The following CEP63 variants were observed in gnomAD, a reference collection of about 807,000 sequenced individuals.
CEP63 encodes the protein centrosomal protein of 63 kDa.
In CEP63, 84 loss-of-function variants were observed where a neutral mutation model predicts 89.1. The observed-to-expected ratio is 0.94, with a 90% CI of 0.79 to 1.13. The LOEUF is 1.13. CEP63 is among the 50% of genes most tolerant of loss of function. CEP63 has a pLI of 0.00. For missense variants in CEP63, 838 were observed against 813.3 expected (o/e 1.03, Z -0.37); for synonymous variants, 267 against 272.5 (o/e 0.98, Z 0.20).
chr3:134,643,362 C>T, the CEP63 span: 120 of 1,613,886 alleles, frequency 7.4e-5, 1 homozygote, highest in African/African-American at 1.3e-3. Flanking sequence ...GAGGGTGCTG[C>T]TTCTCCACCA....
chr3:134,639,949 CAAAAAAAAAA>C, the CEP63 span: 14 of 49,742 alleles, frequency 2.8e-4, no homozygotes, highest in East Asian at 1.4e-3. Context: ...CACCCTGTCT[CAAAAAAAAAA>C]AAAAAAAAAA....
the CEP63 span, among the ~76,000 whole-genome samples, chr3:134,630,065 C>G: frequency 6.6e-6 from 1 of 152,206 alleles, no homozygotes; most frequent in Admixed American, 6.5e-5. Flanking sequence ...CTTCTTTCCC[C>G]TCTGGTATCA....
At chr3:134,614,034 TC>T in the CEP63 span, among the ~76,000 whole-genome samples, 1 of 152,032 alleles carries the variant, frequency 6.6e-6, no homozygotes, top group Non-Finnish European at 1.5e-5. Context: ...AAAATAAGGC[TC>T]AGTGGCTGCC....
chr3:134,654,969 A>T, the CEP63 span, among the ~76,000 whole-genome samples: 1 of 152,182 alleles, frequency 6.6e-6, no homozygotes, highest in Non-Finnish European at 1.5e-5. Flanking sequence ...TGGAAATCAT[A>T]TCAATCCCCT....
chr3:134,546,571 G>A lies in CEP63; in HGVS notation c.929+283G>A, dbSNP rs901710813. ...GGGCATTCATCATGTTGGCTAGGCC[G>A]GTCTTAAATTCCTAACCTCAGGTGA... is the stretch of plus-strand genomic sequence containing the variant. On this transcript the variant is annotated intron_variant, in intron 8 of 14. Transcript: ENST00000675561. Among the ~76,000 whole-genome samples, 6 of 152,074 alleles carry A rather than the reference G, an allele frequency of 3.9e-5. No individual in the cohort carries two copies. In the East Asian group the frequency reaches 1.2e-3, roughly 29 times the overall value.
the CEP63 span, among the ~76,000 whole-genome samples, chr3:134,706,451 C>T: frequency 2.0e-5 from 3 of 152,266 alleles, no homozygotes; most frequent in East Asian, 5.8e-4. Context: ...TGAGAAAGAA[C>T]ATCTTGGCAG....
the CEP63 span, among the ~76,000 whole-genome samples, chr3:134,726,949 T>A: frequency 1.3e-5 from 2 of 152,036 alleles, no homozygotes; most frequent in African/African-American, 4.8e-5. Context: ...AAGCTACTTT[T>A]AAAAAATATC....
the CEP63 span, among the ~76,000 whole-genome samples, chr3:134,704,218 C>A: frequency 6.6e-6 from 1 of 152,216 alleles, no homozygotes; most frequent in African/African-American, 2.4e-5. Flanking sequence ...TCAAATGTTA[C>A]GTTCTTTGAA....
chr3:134,545,889 A>G, intron 7 of CEP63, 70 bp downstream of exon 7: 3 of 1,173,716 alleles, frequency 2.6e-6, no homozygotes, highest in East Asian at 2.5e-5. Context: ...TTATTAAGCT[A>G]GAACTAGGTT....
the CEP63 span, among the ~76,000 whole-genome samples, chr3:134,667,975 A>G: frequency 3.3e-5 from 5 of 152,216 alleles, no homozygotes; most frequent in African/African-American, 1.2e-4. Flanking sequence ...GGGAAACAAC[A>G]GGGTCAATGG....
At chr3:134,591,875 A>G (rs1254342313), downstream of CEP63, among the ~76,000 whole-genome samples, 1 of 137,396 alleles carries the variant, frequency 7.3e-6, no homozygotes. Flanking sequence ...AGCCAGAGCC[A>G]GACCCTGTCC....
the CEP63 span, chr3:134,606,923 G>C: frequency 1.0e-6 from 1 of 984,580 alleles, no homozygotes; most frequent in Non-Finnish European, 1.2e-6. Flanking sequence ...GCTCATCTCA[G>C]TTTCCCTATT....
At chr3:134,625,032 C>A in the CEP63 span, 1 of 1,575,174 alleles carries the variant, frequency 6.3e-7, no homozygotes, top group Non-Finnish European at 8.6e-7. Context: ...GGCCCATGGT[C>A]AGAGCGGCCA....
At chr3:134,506,988 A>G (rs1038583024) in intron 2 of CEP63, 121 bp from the exon 3 acceptor site, 4 of 656,832 alleles carry the variant, frequency 6.1e-6, no homozygotes, top group African/African-American at 3.7e-5. Context: ...ATTAATTTAC[A>G]TTAATGTCAT....
At chr3:134,724,204 G>T in the CEP63 span, among the ~76,000 whole-genome samples, 1 of 152,164 alleles carries the variant, frequency 6.6e-6, no homozygotes, top group Non-Finnish European at 1.5e-5. Context: ...ATTTCTTACT[G>T]AATTTGTAAA....
At chr3:134,778,017 T>A in the CEP63 span, among the ~76,000 whole-genome samples, 1 of 151,990 alleles carries the variant, frequency 6.6e-6, no homozygotes, top group Non-Finnish European at 1.5e-5. Flanking sequence ...CAGTCTTCTC[T>A]CATTTGTTCT....
At chr3:134,507,391 G>A (rs1460049938) in intron 3 of CEP63, 105 bp downstream of exon 3, 2 of 829,846 alleles carry the variant, frequency 2.4e-6, no homozygotes, top group Non-Finnish European at 3.8e-6. Flanking sequence ...TACCAAGTTA[G>A]TTTATTGTTT....
At chr3:134,761,318 G>A in the CEP63 span, among the ~76,000 whole-genome samples, 1 of 152,174 alleles carries the variant, frequency 6.6e-6, no homozygotes. Context: ...GTAAAATGAA[G>A]GCGCCTGAGA....
upstream of CEP63, chr3:134,485,998 C>T (rs1002660373): frequency 2.4e-5 from 24 of 981,730 alleles, no homozygotes; most frequent in Non-Finnish European, 2.7e-5. Context: ...CACGCCCCCC[C>T]CCCCTCCCCC....
Sources: gnomAD v4.1 joint callset for allele counts (sites outside exome capture counted in the v4.1 genomes callset) on GRCh38, gnomAD v4.1.1 for gene constraint, MANE v1.5 for transcripts, NCBI Gene and HGNC (gene_info 2026-07-23, HGNC 2026-07-21) for gene names.